KIF26B: variants seen among roughly 807,000 people sequenced by gnomAD.
KIF26B encodes kinesin-like protein KIF26B.
A neutral mutation model predicts 151.2 loss-of-function variants in KIF26B; 63 were observed. The ratio of observed to expected loss-of-function variants is 0.42; its 90% CI spans 0.34 to 0.51. KIF26B has a LOEUF of 0.51. Among genes scored for constraint, KIF26B ranks in the 20% least tolerant of loss-of-function variants. The pLI, the probability that KIF26B is intolerant of heterozygous loss-of-function variation, is 0.07. For synonymous variants in KIF26B, 1,357 were observed against 1,262.1 expected, an observed-to-expected ratio of 1.08 and a Z score of -1.59; for missense variants, 2,813 against 2,913.6, an observed-to-expected ratio of 0.97 and a Z score of 0.79.
intron 2 of KIF26B, among the ~76,000 whole-genome samples, chr1:245,237,161 C>T (rs1423940023): frequency 6.6e-5 from 10 of 152,198 alleles, no homozygotes; most frequent in African/African-American, 2.4e-4. Context: ...CTTTCTTCCT[C>T]CCATTCTTGC....
intron 5 of KIF26B, among the ~76,000 whole-genome samples, chr1:245,576,082 G>A (rs1469431462): frequency 3.3e-5 from 5 of 152,136 alleles, no homozygotes; most frequent in African/African-American, 1.2e-4. Flanking sequence ...CCTTTGAAAA[G>A]TCCAAATGGC....
chr1:245,576,079 A>G (rs1164426895), intron 5 of KIF26B, among the ~76,000 whole-genome samples: 2 of 152,142 alleles, frequency 1.3e-5, no homozygotes, highest in African/African-American at 4.8e-5. Flanking sequence ...TGACCTTTGA[A>G]AAGTCCAAAT....
intron 3 of KIF26B, among the ~76,000 whole-genome samples, chr1:245,401,067 G>C (rs962148007): frequency 6.6e-6 from 1 of 152,138 alleles, no homozygotes; most frequent in East Asian, 1.9e-4. Flanking sequence ...TCCCAGTTGA[G>C]ATGAGAATTG....
chr1:245,262,233 G>A (rs1008804789), intron 2 of KIF26B, among the ~76,000 whole-genome samples: 9 of 152,110 alleles, frequency 5.9e-5, no homozygotes, highest in African/African-American at 1.9e-4. Context: ...TCCGGCTGAT[G>A]GAAGAAAAGT....
intron 10 of KIF26B, among the ~76,000 whole-genome samples, chr1:245,681,743 A>ACAAT (rs2044442481): frequency 6.6e-6 from 1 of 152,260 alleles, no homozygotes; most frequent in Non-Finnish European, 1.5e-5. Flanking sequence ...AAAGAAATGT[A>ACAAT]CAATCATGTT....
chr1:245,411,508 G>T (rs1202031576), intron 3 of KIF26B, among the ~76,000 whole-genome samples: 2 of 152,168 alleles, frequency 1.3e-5, no homozygotes, highest in African/African-American at 4.8e-5. Flanking sequence ...CTGCAAGGAA[G>T]AAATAAACAT....
intron 4 of KIF26B, among the ~76,000 whole-genome samples, chr1:245,533,798 A>G (rs980047206): frequency 6.6e-6 from 1 of 152,102 alleles, no homozygotes; most frequent in East Asian, 1.9e-4. Flanking sequence ...ATTACAAAAA[A>G]AAAAAAGTCA....
intron 2 of KIF26B, among the ~76,000 whole-genome samples, chr1:245,233,768 G>A (rs1455677885): frequency 6.6e-6 from 1 of 152,204 alleles, no homozygotes; most frequent in Non-Finnish European, 1.5e-5. Flanking sequence ...TGTCTGATGA[G>A]AGTGAGCATT....
intron 2 of KIF26B, among the ~76,000 whole-genome samples, chr1:245,356,159 C>T (rs1308866909): frequency 1.3e-5 from 2 of 152,120 alleles, no homozygotes; most frequent in Non-Finnish European, 2.9e-5. Flanking sequence ...CTTTTCTGAA[C>T]ACACGAGCCC....
At chr1:245,312,620 A>G (rs938481440) in intron 2 of KIF26B, among the ~76,000 whole-genome samples, 16 of 149,512 alleles carry the variant, frequency 1.1e-4, no homozygotes, top group African/African-American at 4.0e-4. Context: ...TCAACTCTTA[A>G]GGTGGGGGTG....
intron 3 of KIF26B, among the ~76,000 whole-genome samples, chr1:245,377,501 A>C (rs193246981): frequency 8.5e-5 from 13 of 152,292 alleles, no homozygotes; most frequent in Admixed American, 5.2e-4. Context: ...ATGGGTGCAA[A>C]AGCAATTGTG....
chr1:245,309,347 C>T (rs146496884), intron 2 of KIF26B, among the ~76,000 whole-genome samples: 151 of 152,230 alleles, frequency 9.9e-4, no homozygotes, highest in African/African-American at 3.4e-3. Context: ...TCCAATCGGT[C>T]GAAGGCCTGA....
At chr1:245,202,923 T>G (rs892441704) in intron 2 of KIF26B, among the ~76,000 whole-genome samples, 1 of 132,740 alleles carries the variant, frequency 7.5e-6, no homozygotes, top group Non-Finnish European at 1.6e-5. Flanking sequence ...CCTGGGTGAC[T>G]AGAGCAAGAC....
intron 2 of KIF26B, among the ~76,000 whole-genome samples, chr1:245,231,472 T>A (rs913179959): frequency 3.9e-5 from 6 of 152,116 alleles, no homozygotes; most frequent in Non-Finnish European, 8.8e-5. Context: ...GCCAAGTTCG[T>A]GCCACTGCGC....
chr1:245,677,938 G>A (rs1209251083), intron 10 of KIF26B, among the ~76,000 whole-genome samples: 1 of 152,234 alleles, frequency 6.6e-6, no homozygotes, highest in African/African-American at 2.4e-5. Context: ...CTTGAGAACA[G>A]CCTTTCCCAT....
At chr1:245,590,999 T>G (rs2043283335) in intron 5 of KIF26B, among the ~76,000 whole-genome samples, 1 of 151,648 alleles carries the variant, frequency 6.6e-6, no homozygotes, top group African/African-American at 2.4e-5. Flanking sequence ...CAGAATCTAA[T>G]GATTAGGTCT....
intron 12 of KIF26B, among the ~76,000 whole-genome samples, chr1:245,690,746 G>A (rs11804550): frequency 1.3e-5 from 2 of 148,992 alleles, no homozygotes; most frequent in Middle Eastern, 3.2e-3. Context: ...TGCCTGGGGG[G>A]GGGGTATGCT....
At chr1:245,235,385 A>G (rs981059941) in intron 2 of KIF26B, among the ~76,000 whole-genome samples, 3 of 151,970 alleles carry the variant, frequency 2.0e-5, no homozygotes, top group African/African-American at 7.3e-5. Context: ...CGAGGCCAGG[A>G]GTTCCAGACC....
At chr1:245,382,740 G>A (rs1673441720) in intron 3 of KIF26B, among the ~76,000 whole-genome samples, 1 of 151,762 alleles carries the variant, frequency 6.6e-6, no homozygotes, top group African/African-American at 2.4e-5. Flanking sequence ...GGCTAATTTT[G>A]TATTTTTAGT....
Sources: allele counts gnomAD v4.1 joint callset (sites outside exome capture counted in the v4.1 genomes callset), GRCh38; gene constraint gnomAD v4.1.1; transcripts MANE v1.5; gene names NCBI Gene and HGNC (gene_info 2026-07-23, HGNC 2026-07-21).